Variants in CCDC85C observed in about 807,000 individuals in gnomAD.
The protein encoded by CCDC85C is coiled-coil domain containing 85C.
CCDC85C carries 18 observed loss-of-function variants against 38.3 expected under a neutral mutation model. The observed-to-expected ratio is 0.47, with a 90% CI of 0.33 to 0.70. The LOEUF (loss-of-function observed/expected upper bound fraction) is 0.70. CCDC85C is among the 30% of genes least tolerant of loss of function. The pLI is 0.03. For missense variants in CCDC85C, 566 were observed against 621.2 expected, an observed-to-expected ratio of 0.91 and a Z score of 0.94; for synonymous variants, 264 against 293.8, an observed-to-expected ratio of 0.90 and a Z score of 1.04.
chr14:99,598,084 G>A (rs1265589086), intron 1 of CCDC85C, among the ~76,000 whole-genome samples: 3 of 152,198 alleles, frequency 2.0e-5, no homozygotes, highest in African/African-American at 4.8e-5. Context: ...CATGCCCCTC[G>A]GCATGCGGGG....
At position 99,516,381 on chromosome 14, in the gene CCDC85C, A is replaced by G; in HGVS notation, c.1072-95T>C. ...TGATCCTCAGCCTCCCCTGCTGCGA[A>G]CCAAAGCTGAGGACCCTGAGCCGCT... On this transcript the variant is annotated intron_variant, in intron 4 of 5. Transcript: ENST00000380243. The surrounding 1 kb of genome is among the most constrained non-coding windows in gnomAD (Gnocchi z 5.5). The G allele has an allele frequency of 1.1e-6, 1 of 925,744 alleles. No individual in the cohort carries two copies. Among genetic ancestry groups the G allele is most frequent in the South Asian group, 1.4e-5 (1 of 69,166 alleles). 57.3% of individuals were successfully genotyped at this position (925,744 alleles called of 1,614,324 possible).
chr14:99,527,060 AGCACAGAGGCCT>A (rs1897399617), intron 2 of CCDC85C, among the ~76,000 whole-genome samples: 1 of 152,192 alleles, frequency 6.6e-6, no homozygotes, highest in Non-Finnish European at 1.5e-5. Flanking sequence ...TGTGCAGCGT[AGCACAGAGGCCT>A]CCACAGAAGA....
At chr14:99,536,889 T>TG (rs1897613395) in intron 1 of CCDC85C, among the ~76,000 whole-genome samples, 2 of 152,278 alleles carry the variant, frequency 1.3e-5, no homozygotes, top group South Asian at 2.1e-4. Context: ...CCCATACCCC[T>TG]GGTCCTGCCT....
chr14:99,522,086 C>T (rs1270203743), intron 3 of CCDC85C, 47 bp downstream of exon 3: 1 of 1,455,136 alleles, frequency 6.9e-7, no homozygotes, highest in Non-Finnish European at 9.4e-7. Flanking sequence ...GCCTGAGCCT[C>T]AGCCCCTCAT....
At chr14:99,581,731 A>AG (rs996333508) in intron 1 of CCDC85C, among the ~76,000 whole-genome samples, 6 of 152,230 alleles carry the variant, frequency 3.9e-5, no homozygotes, top group African/African-American at 1.4e-4. Context: ...CTTCCTTGAA[A>AG]GGCCACGAAG....
At chr14:99,515,900 G>T (rs751535623) in intron 5 of CCDC85C, among the ~76,000 whole-genome samples, 5 of 151,896 alleles carry the variant, frequency 3.3e-5, no homozygotes, top group African/African-American at 4.8e-5. Context: ...AACCAGTCCC[G>T]GGGGGGTGGG....
At chr14:99,591,959 C>T (rs1028850906) in intron 1 of CCDC85C, among the ~76,000 whole-genome samples, 2 of 152,170 alleles carry the variant, frequency 1.3e-5, no homozygotes, top group African/African-American at 4.8e-5. Flanking sequence ...GTCTCGAACT[C>T]CTGACCTCAG....
In CCDC85C at chr14:99,603,504, G is replaced by T; in HGVS notation, c.456C>A (p.Asp152Glu). The change falls in exon 1 of 6, where the codon GAC becomes GAA. Residue 152 changes from aspartate to glutamate, a missense_variant. Transcript: ENST00000380243. The surrounding 1 kb of genome is among the most constrained non-coding windows in gnomAD (Gnocchi z 7.5). ...LELKELVLLL[D>E]EERAALAATG... ...TCGCCGCCAGTGCCGCGCGCTCCTC[G>T]TCCAGCAGCAGCACCAGCTCCTTGA... 3.0e-6 allele frequency: 4 copies of T among 1,322,688 alleles called. No homozygotes were observed. Among genetic ancestry groups the T allele is most frequent in the Non-Finnish European group, 3.8e-6 (4 of 1,042,946 alleles). 81.9% of individuals were successfully genotyped at this position (1,322,688 alleles called of 1,614,324 possible).
chr14:99,583,668 C>T (rs927821309), intron 1 of CCDC85C, among the ~76,000 whole-genome samples: 1 of 151,922 alleles, frequency 6.6e-6, no homozygotes, highest in South Asian at 2.1e-4. Context: ...ATTAGCCGGG[C>T]ATGGTGACAG....
rs2069496 is a variant in CCDC85C at position 99,502,040 on chromosome 14, C to T, written c.*13206G>A. On this transcript the variant is annotated 3_prime_UTR_variant, in exon 6 of 6. Transcript: ENST00000380243. ...CTAACTATGGTTAAAGTAACTTAGT[C>T]GGGTACCTTTAGAAGAGTAAAGACT... The T allele has an allele frequency of 0.45, 299,196 of 668,104 alleles. 69,169 individuals are homozygous for T. The highest frequency in any genetic ancestry group is 0.56 in the East Asian group (17,102 of 30,460). 41.4% of individuals were successfully genotyped at this position (668,104 alleles called of 1,614,324 possible). A position where few individuals can be genotyped will look rare whatever the true frequency, so the allele number is the denominator to read the frequency against.
chr14:99,527,974 A>G (rs1022036643), intron 2 of CCDC85C, among the ~76,000 whole-genome samples: 2 of 152,194 alleles, frequency 1.3e-5, no homozygotes, highest in Non-Finnish European at 2.9e-5. Flanking sequence ...TCGCTGCATC[A>G]CTGTCTTGCT....
rs896009539 is a variant in CCDC85C, at chr14:99,522,128, C to T, written c.975+5G>A. ...CATGTGGGCTTTTTTGGGGTGCACACTCACGTTCTGCAGGGAGTCCTGGTA... is the reference window on the plus strand; with the variant it reads ...CATGTGGGCTTTTTTGGGGTGCACATTCACGTTCTGCAGGGAGTCCTGGTA... On this transcript the variant is annotated splice_donor_5th_base_variant and intron_variant, in intron 3 of 5. Transcript: ENST00000380243. 3 of 1,548,934 alleles carry T rather than the reference C, an allele frequency of 1.9e-6. No homozygotes were observed. The highest frequency in any genetic ancestry group is 2.7e-5 in the African/African-American group (2 of 73,036).
intron 2 of CCDC85C, among the ~76,000 whole-genome samples, chr14:99,523,891 C>T (rs1378991937): frequency 2.0e-5 from 3 of 152,068 alleles, no homozygotes; most frequent in South Asian, 2.1e-4. Context: ...GAGGCACTCA[C>T]GGCCCGCAGG....
rs1896845457 is a variant in CCDC85C at position 99,502,118 on chromosome 14, T to A, written c.*13128A>T. 3.1e-5 allele frequency: 42 copies of A among 1,362,372 alleles called. No homozygotes were observed. The highest frequency in any genetic ancestry group is 4.0e-5 in the Non-Finnish European group (41 of 1,030,976). The allele number at this position is 1,362,372 out of a possible 1,614,324, so 84.4% of individuals were successfully genotyped here. On this transcript the variant is annotated 3_prime_UTR_variant, in exon 6 of 6. Coordinates refer to ENST00000380243, the MANE Select transcript of CCDC85C (RefSeq NM_001144995.2). ...TTAAATTTAGGGGAGAATAAGCAAATTAATGGTTAGTTATGGCATCTCCAT... is the reference window on the plus strand; with the variant it reads ...TTAAATTTAGGGGAGAATAAGCAAAATAATGGTTAGTTATGGCATCTCCAT...
intron 1 of CCDC85C, among the ~76,000 whole-genome samples, chr14:99,601,674 C>T (rs899576255): frequency 4.6e-5 from 7 of 152,288 alleles, no homozygotes; most frequent in African/African-American, 1.2e-4. Flanking sequence ...CTCTGAACAG[C>T]CCCAGCAAAT....
Position 99,573,280 on chromosome 14 carries a change from G to T in CCDC85C, c.793+29887C>A, listed in dbSNP as rs1006188036. On this transcript the variant is annotated intron_variant, in intron 1 of 5. Coordinates refer to ENST00000380243, the MANE Select transcript of CCDC85C (RefSeq NM_001144995.2). Reference sequence around the variant, plus strand: ...GCCATGGGTGGCCAGGACTCTAGCAGGAACCCTCAGGGAGCCGGCTCTGCC... The same window carrying T: ...GCCATGGGTGGCCAGGACTCTAGCATGAACCCTCAGGGAGCCGGCTCTGCC... Among the ~76,000 whole-genome samples, 4 of 152,334 alleles carry T rather than the reference G, an allele frequency of 2.6e-5. No individual in the cohort carries two copies. In the South Asian group the frequency reaches 8.3e-4, roughly 32 times the overall value.
chr14:99,532,010 G>C (rs920098603), intron 2 of CCDC85C, among the ~76,000 whole-genome samples: 6 of 152,222 alleles, frequency 3.9e-5, no homozygotes, highest in African/African-American at 1.4e-4. Flanking sequence ...AGACTGGACA[G>C]GGATCAGCCA....
chr14:99,532,301 C>T (rs968975000), intron 2 of CCDC85C, among the ~76,000 whole-genome samples: 3 of 152,294 alleles, frequency 2.0e-5, no homozygotes, highest in East Asian at 1.9e-4. Context: ...ATCTTCCTGG[C>T]GCCTCCCTGA....
rs1482736584 is a variant in CCDC85C at position 99,500,908 on chromosome 14, G to A, written c.*14338C>T. The A allele has an allele frequency of 1.6e-6, 2 of 1,245,144 alleles. No homozygotes were observed. Among genetic ancestry groups the A allele is most frequent in the South Asian group, 1.4e-5 (1 of 73,264 alleles). The allele number at this position is 1,245,144 out of a possible 1,614,324, so 77.1% of individuals were successfully genotyped here. On this transcript the variant is annotated 3_prime_UTR_variant, in exon 6 of 6. Transcript: ENST00000380243. Reference sequence around the variant, plus strand: ...GTTTTCAGAAGAATTTTTTCATTCTGAAATCAAGTCTTTATAATTTGATGA... The same window carrying A: ...GTTTTCAGAAGAATTTTTTCATTCTAAAATCAAGTCTTTATAATTTGATGA...
Sources: allele counts gnomAD v4.1 joint callset (sites outside exome capture counted in the v4.1 genomes callset), GRCh38; gene constraint gnomAD v4.1.1; non-coding constraint Gnocchi (gnomAD v3.1); transcripts MANE v1.5; gene names NCBI Gene and HGNC (gene_info 2026-07-23, HGNC 2026-07-21).